The following SOX6 variants were observed in gnomAD, a reference collection of about 807,000 sequenced individuals.
SOX6 encodes the protein transcription factor SOX-6.
A neutral mutation model predicts 97.8 loss-of-function variants in SOX6; 11 were observed. The ratio of observed to expected loss-of-function variants is 0.11; its 90% confidence interval spans 0.07 to 0.19. The LOEUF is 0.19. Among genes scored for constraint, SOX6 ranks in the 10% least tolerant of loss-of-function variants. The pLI, the probability that SOX6 is intolerant of heterozygous loss-of-function variation, is 1.00. For synonymous variants in SOX6, 360 were observed against 371.4 expected, an observed-to-expected ratio of 0.97 and a Z score of 0.35; for missense variants, 810 against 1,039.5, an observed-to-expected ratio of 0.78 and a Z score of 3.04.
chr11:16,291,229 TTATATATATATATATATA>T (rs10529279), intron 3 of SOX6, among the ~76,000 whole-genome samples: 15 of 143,618 alleles, frequency 1.0e-4, no homozygotes, highest in African/African-American at 3.4e-4. Flanking sequence ...TTCTATAAAT[TTATATATATATATATATA>T]TATATATATA....
At chr11:16,667,613 A>G (rs1318451461) in intron 3 of SOX6, among the ~76,000 whole-genome samples, 1 of 152,188 alleles carries the variant, frequency 6.6e-6, no homozygotes, top group Non-Finnish European at 1.5e-5. Context: ...ACATGGGGAA[A>G]TAAAGACTTT....
chr11:16,096,002 C>T lies in SOX6; in HGVS notation c.1095G>A (p.Gln365=), dbSNP rs1388609754. 5 of 1,606,576 alleles carry T rather than the reference C, an allele frequency of 3.1e-6. No homozygotes were observed. The African/African-American group carries it at 6.7e-5, about 22-fold the overall frequency. The change falls in exon 9 of 16, where the codon CAG becomes CAA. Residue 365 remains glutamine (Q), a synonymous_variant. Transcript: ENST00000683767. ...HGGGHSYNHK[Q]IEQLYAAQLA... The stretch of plus-strand genomic sequence containing the variant: ...TCAATGGAAGCATTCATACCTCAAT[C>T]TGTTTGTGGTTGTAAGAGTGGCCAC...
intron 12 of SOX6, among the ~76,000 whole-genome samples, chr11:16,041,634 T>C (rs927368036): frequency 2.0e-5 from 3 of 152,126 alleles, no homozygotes; most frequent in East Asian, 3.8e-4. Context: ...CAAGCTTTTC[T>C]AAAAAAATTA....
At chr11:16,516,333 G>C (rs1399370571) in intron 4 of SOX6, among the ~76,000 whole-genome samples, 2 of 152,130 alleles carry the variant, frequency 1.3e-5, no homozygotes, top group African/African-American at 2.4e-5. Context: ...GTTCACTCAT[G>C]ATTTGTCTTT....
intron 1 of SOX6, among the ~76,000 whole-genome samples, chr11:16,349,734 A>G (rs1856881608): frequency 7.1e-6 from 1 of 140,346 alleles, no homozygotes; most frequent in Non-Finnish European, 1.6e-5. Context: ...GAAGGAAGGA[A>G]GGAAGGAAGG....
chr11:16,044,498 A>G (rs1178999066), intron 12 of SOX6, among the ~76,000 whole-genome samples: 3 of 152,162 alleles, frequency 2.0e-5, no homozygotes, highest in African/African-American at 7.2e-5. Context: ...AGAAAATCTG[A>G]TGCTCAGAAG....
chr11:16,224,859 T>C (rs1340625686), intron 4 of SOX6, among the ~76,000 whole-genome samples: 2 of 152,034 alleles, frequency 1.3e-5, no homozygotes, highest in Admixed American at 6.6e-5. Context: ...ATTTACTATA[T>C]GATTTAGAGC....
rs569237436 is a variant in SOX6, at chr11:16,673,318, C to T, written n.429+41512G>A. On this transcript the variant is annotated intron_variant and non_coding_transcript_variant, in intron 3 of 5. Coordinates refer to the SOX6 transcript ENST00000524520. ...AATACAAAAGAACAATGAAACAAAA[C>T]GTTGTCTTTTTGAAAATATAAACAA... Among the ~76,000 whole-genome samples the T allele has an allele frequency of 3.3e-5, 5 of 151,994 alleles. No individual in the cohort carries two copies. The East Asian group carries it at 7.7e-4, about 23-fold the overall frequency.
chr11:16,570,518 C>A (rs1293818271), intron 4 of SOX6, among the ~76,000 whole-genome samples: 1 of 152,128 alleles, frequency 6.6e-6, no homozygotes, highest in Non-Finnish European at 1.5e-5. Context: ...AATTTTCAAA[C>A]ATAAATAAAC....
intron 3 of SOX6, among the ~76,000 whole-genome samples, chr11:16,302,566 CTTTTT>C: frequency 1.1e-5 from 1 of 86,990 alleles, no homozygotes; most frequent in South Asian, 4.4e-4. Flanking sequence ...TTCTTTTTTT[CTTTTT>C]TTTTTTTTTT....
chr11:16,654,862 A>G (rs1300580221), intron 3 of SOX6, among the ~76,000 whole-genome samples: 1 of 152,160 alleles, frequency 6.6e-6, no homozygotes, highest in African/African-American at 2.4e-5. Context: ...GACAGTTACT[A>G]TGAGACAAAT....
chr11:16,738,442 G>A (rs1315238227), exon 1 of SOX6: 2 of 404,442 alleles, frequency 4.9e-6, no homozygotes, highest in South Asian at 2.9e-5. Context: ...CACATCCGCG[G>A]GAACGCTTCC....
At chr11:16,508,687 G>A (rs540990664) in intron 4 of SOX6, among the ~76,000 whole-genome samples, 1 of 152,102 alleles carries the variant, frequency 6.6e-6, no homozygotes, top group African/African-American at 2.4e-5. Context: ...ATGATGTGTG[G>A]GTAGGAGGGT....
At chr11:16,570,079 A>G (rs899411538) in intron 4 of SOX6, among the ~76,000 whole-genome samples, 5 of 152,178 alleles carry the variant, frequency 3.3e-5, no homozygotes, top group African/African-American at 9.6e-5. Context: ...TCTAAATCCC[A>G]TAGTGCCTTA....
intron 1 of SOX6, among the ~76,000 whole-genome samples, chr11:16,370,928 C>A (rs1857479897): frequency 6.6e-6 from 1 of 151,962 alleles, no homozygotes. Context: ...AAGTGGTCAC[C>A]CTGTTTCTAC....
intron 13 of SOX6, among the ~76,000 whole-genome samples, chr11:16,000,681 T>G (rs1240980829): frequency 6.6e-6 from 1 of 152,038 alleles, no homozygotes. Context: ...ATCAAGAAAT[T>G]CACTAAATAA....
intron 4 of SOX6, among the ~76,000 whole-genome samples, chr11:16,577,342 T>G (rs980949318): frequency 4.6e-5 from 7 of 152,228 alleles, no homozygotes; most frequent in Admixed American, 3.9e-4. Flanking sequence ...TTCACCATAT[T>G]AAAATATATC....
At chr11:16,322,396 C>T (rs574950284) in intron 2 of SOX6, among the ~76,000 whole-genome samples, 4 of 152,244 alleles carry the variant, frequency 2.6e-5, no homozygotes, top group East Asian at 1.9e-4. Flanking sequence ...CTTTGCTTTC[C>T]GCCATGATTG....
chr11:16,486,806 C>T (rs2133129321), intron 4 of SOX6, among the ~76,000 whole-genome samples: 3 of 152,156 alleles, frequency 2.0e-5, no homozygotes, highest in Middle Eastern at 3.4e-3. Flanking sequence ...CAAGATTGCG[C>T]CACTGCACTC....
Sources: allele counts gnomAD v4.1 joint callset (sites outside exome capture counted in the v4.1 genomes callset), GRCh38; gene constraint gnomAD v4.1.1; transcripts MANE v1.5; gene names NCBI Gene and HGNC (gene_info 2026-07-23, HGNC 2026-07-21).